RTN4IP1: variants seen among roughly 807,000 people sequenced by gnomAD.
RTN4IP1 encodes reticulon 4 interacting protein 1.
A neutral mutation model predicts 46.6 loss-of-function variants in RTN4IP1; 32 were observed. The observed-to-expected ratio is 0.69, with a 90% CI of 0.52 to 0.92. The LOEUF (loss-of-function observed/expected upper bound fraction) is 0.92, where lower values mean the gene tolerates loss of function less well. RTN4IP1 is among the 40% of genes least tolerant of loss of function. RTN4IP1 has a pLI of 0.00. For synonymous variants in RTN4IP1, 167 were observed against 161.8 expected (o/e 1.03, Z -0.24); for missense variants, 424 against 485.8 (o/e 0.87, Z 1.20).
In RTN4IP1 at chr6:106,571,774, G is replaced by C; in HGVS notation, c.*222C>G. The C allele has an allele frequency of 2.1e-6, 1 of 469,946 alleles. No individual in the cohort carries two copies. Among genetic ancestry groups the C allele is most frequent in the East Asian group, 3.8e-5 (1 of 26,502 alleles). 29.1% of individuals were successfully genotyped at this position (469,946 alleles called of 1,614,324 possible). A position where few individuals can be genotyped will look rare whatever the true frequency, so the allele number is the denominator to read the frequency against. On this transcript the variant is annotated 3_prime_UTR_variant, in exon 9 of 9. Transcript: ENST00000369063. ...CCTGCAAAGCCAGTGTGAAGGAACAGCTTGAAAAAACTTCGAATTTCTACT... is the reference window on the plus strand; with the variant it reads ...CCTGCAAAGCCAGTGTGAAGGAACACCTTGAAAAAACTTCGAATTTCTACT...
At chr6:106,590,078 G>A (rs1241586744) in intron 6 of RTN4IP1, among the ~76,000 whole-genome samples, 1 of 151,274 alleles carries the variant, frequency 6.6e-6, no homozygotes, top group Non-Finnish European at 1.5e-5. Flanking sequence ...AGCACTTTGG[G>A]AGACCAAGGA....
In RTN4IP1 at chr6:106,621,601, G is replaced by A. The variant is rs942702756; in HGVS notation, c.427-108C>T. 3.6e-6 allele frequency: 3 copies of A among 829,084 alleles called. No individual in the cohort carries two copies. In the African/African-American group the frequency reaches 5.0e-5, roughly 14 times the overall value. The allele number at this position is 829,084 out of a possible 1,614,324, so 51.4% of individuals were successfully genotyped here. A position where few individuals can be genotyped will look rare whatever the true frequency, so the allele number is the denominator to read the frequency against. On this transcript the variant is annotated intron_variant, in intron 2 of 8. Coordinates refer to ENST00000369063, the MANE Select transcript of RTN4IP1 (RefSeq NM_032730.5). ...TATACCCTGTGCTGTGAAAAACACA[G>A]AAGTCAGCACTACACCAAGCAGGAG...
At chr6:106,609,293 C>T (rs1372286014) in intron 4 of RTN4IP1, among the ~76,000 whole-genome samples, 7 of 152,188 alleles carry the variant, frequency 4.6e-5, no homozygotes, top group African/African-American at 1.4e-4. Flanking sequence ...TGGTGGCTTA[C>T]GCCTGTAATC....
rs1582864632 is a variant in RTN4IP1 at position 106,587,569 on chromosome 6, C to A, written c.990+110G>T. Reference sequence around the variant, plus strand: ...ACTGTGACTGCAGAGTCCATGCTTGCAACCACCGTGCTATGCGGCCTCCAA... The same window carrying A: ...ACTGTGACTGCAGAGTCCATGCTTGAAACCACCGTGCTATGCGGCCTCCAA... On this transcript the variant is annotated intron_variant, in intron 7 of 8. Coordinates refer to ENST00000369063, the MANE Select transcript of RTN4IP1 (RefSeq NM_032730.5). 4 of 976,162 alleles carry A rather than the reference C, an allele frequency of 4.1e-6. No homozygotes were observed. The East Asian group carries it at 9.7e-5, about 24-fold the overall frequency. The allele number at this position is 976,162 out of a possible 1,614,324, so 60.5% of individuals were successfully genotyped here.
chr6:106,608,897 T>C (rs1490870568), intron 4 of RTN4IP1, among the ~76,000 whole-genome samples: 1 of 152,232 alleles, frequency 6.6e-6, no homozygotes, highest in East Asian at 1.9e-4. Context: ...CAAATTCTCA[T>C]TTAAGTTCCT....
intron 4 of RTN4IP1, among the ~76,000 whole-genome samples, chr6:106,609,945 G>A (rs984398003): frequency 2.0e-5 from 3 of 152,204 alleles, no homozygotes; most frequent in African/African-American, 7.2e-5. Context: ...TGAATGAAGC[G>A]CTGTTAGCTT....
In RTN4IP1 at chr6:106,588,782, C is replaced by T. The variant is rs142355491; in HGVS notation, c.807-920G>A. ...AAGTTCCTAAAACCACTTTGGCCAA[C>T]TTTGTGGATCTTGAGTATCTTATAG... On this transcript the variant is annotated intron_variant, in intron 6 of 8. Transcript: ENST00000369063. Among the ~76,000 whole-genome samples, 145 of 152,206 alleles carry T rather than the reference C, an allele frequency of 9.5e-4. 2 individuals carry two copies. Among genetic ancestry groups the T allele is most frequent in the African/African-American group, 3.4e-3 (140 of 41,536 alleles).
intron 5 of RTN4IP1, among the ~76,000 whole-genome samples, chr6:106,594,323 C>A (rs916637214): frequency 6.6e-6 from 1 of 151,994 alleles, no homozygotes; most frequent in East Asian, 1.9e-4. Flanking sequence ...GCCTAGGCAA[C>A]GTAGTGAAAC....
intron 5 of RTN4IP1, among the ~76,000 whole-genome samples, chr6:106,594,184 T>G (rs1246583356): frequency 6.6e-6 from 1 of 152,146 alleles, no homozygotes; most frequent in Non-Finnish European, 1.5e-5. Flanking sequence ...TTAATAAAAA[T>G]TTTTCATGTA....
In RTN4IP1 at chr6:106,629,037, A is replaced by G; in HGVS notation, c.-16T>C. The G allele has an allele frequency of 6.3e-7, 1 of 1,596,504 alleles. No individual in the cohort carries two copies. Among genetic ancestry groups the G allele is most frequent in the South Asian group, 1.1e-5 (1 of 89,850 alleles). On this transcript the variant is annotated 5_prime_UTR_variant, in exon 1 of 9. Coordinates refer to ENST00000369063, the MANE Select transcript of RTN4IP1 (RefSeq NM_032730.5). ...GAAATTCCATTGTAAACACTGGTTG[A>G]ACTGCGTGCTCAAATTCAAATACAC...
chr6:106,623,200 A>T (rs1354669763), intron 1 of RTN4IP1, among the ~76,000 whole-genome samples: 1 of 152,238 alleles, frequency 6.6e-6, no homozygotes, highest in African/African-American at 2.4e-5. Context: ...ACTGTGGTAC[A>T]TACACACCAT....
intron 3 of RTN4IP1, among the ~76,000 whole-genome samples, chr6:106,620,321 T>C (rs1454115944): frequency 6.6e-6 from 1 of 152,090 alleles, no homozygotes; most frequent in Non-Finnish European, 1.5e-5. Flanking sequence ...GCCAGGCTGG[T>C]CTCGAACTCC....
chr6:106,596,579 T>A (rs1287665340), intron 5 of RTN4IP1, among the ~76,000 whole-genome samples: 2 of 152,152 alleles, frequency 1.3e-5, no homozygotes, highest in African/African-American at 2.4e-5. Flanking sequence ...CAACACACTG[T>A]CTCAAAAATA....
In RTN4IP1 at chr6:106,619,329, A is replaced by G. The variant is rs368198949; in HGVS notation, c.496-3T>C. 8.7e-6 allele frequency: 14 copies of G among 1,613,852 alleles called. No homozygotes were observed. In the African/African-American group the frequency reaches 1.6e-4, roughly 18 times the overall value. On this transcript the variant is annotated splice_region_variant and splice_polypyrimidine_tract_variant and intron_variant, in intron 3 of 8. Transcript: ENST00000369063. ...AGTGATTTGGGTTTGTGAGAGACCT[A>G]CATTTGAAGACAACAGTCAAAAATA...
At chr6:106,575,820 C>T (rs1462300034) in intron 8 of RTN4IP1, among the ~76,000 whole-genome samples, 2 of 152,238 alleles carry the variant, frequency 1.3e-5, no homozygotes, top group Non-Finnish European at 2.9e-5. Context: ...AATGTCATTA[C>T]TGCATGGAAT....
chr6:106,590,657 G>A (rs893633131), intron 6 of RTN4IP1, among the ~76,000 whole-genome samples: 3 of 141,574 alleles, frequency 2.1e-5, no homozygotes, highest in South Asian at 4.6e-4. Flanking sequence ...AGAGGTTGCA[G>A]TGAGCCAAGA....
intron 4 of RTN4IP1, among the ~76,000 whole-genome samples, chr6:106,610,518 A>G (rs1337735833): frequency 4.6e-5 from 7 of 152,224 alleles, no homozygotes; most frequent in Non-Finnish European, 1.0e-4. Context: ...CCTTCACTTA[A>G]GTCCTACACA....
At chr6:106,602,758 C>G (rs1256207939) in intron 5 of RTN4IP1, 116 bp downstream of exon 5, 1 of 601,150 alleles carries the variant, frequency 1.7e-6, no homozygotes, top group South Asian at 2.9e-5. Flanking sequence ...GCTGAAATTA[C>G]AGTACATTTA....
intron 7 of RTN4IP1, among the ~76,000 whole-genome samples, chr6:106,586,886 G>T (rs369165842): frequency 1.3e-5 from 2 of 152,116 alleles, no homozygotes; most frequent in Non-Finnish European, 2.9e-5. Context: ...TCCAAGGCCC[G>T]CCACTCACCG....
Sources: allele counts gnomAD v4.1 joint callset (sites outside exome capture counted in the v4.1 genomes callset), GRCh38; gene constraint gnomAD v4.1.1; transcripts MANE v1.5; gene names NCBI Gene and HGNC (gene_info 2026-07-23, HGNC 2026-07-21).